Variants in HOGA1 observed in about 807,000 individuals in gnomAD.
HOGA1 encodes the protein 4-hydroxy-2-oxoglutarate aldolase 1.
In HOGA1, 30 loss-of-function variants were observed where a neutral mutation model predicts 34.3. The ratio of observed to expected loss-of-function variants is 0.87; its 90% CI spans 0.65 to 1.19. The LOEUF is 1.19. Ranked by LOEUF, HOGA1 falls within the 50% of genes most tolerant of loss-of-function variation. The pLI is 0.00. For missense variants in HOGA1, 417 were observed against 436.5 expected (o/e 0.96, Z 0.40); for synonymous variants, 161 against 174.0 (o/e 0.93, Z 0.59).
intron 5 of HOGA1, chr10:97,600,446 A>G (rs576082301): frequency 5.3e-5 from 27 of 509,938 alleles, no homozygotes; most frequent in South Asian, 5.1e-4. Flanking sequence ...TGATTAGATG[A>G]CAAACTTAGC....
chr10:97,593,571 A>G (rs2041045616), intron 1 of HOGA1, among the ~76,000 whole-genome samples: 1 of 152,238 alleles, frequency 6.6e-6, no homozygotes, highest in African/African-American at 2.4e-5. Context: ...GAGGGAGGTT[A>G]TGAATTATGT....
At chr10:97,587,866 G>A (rs2040982647) in intron 1 of HOGA1, among the ~76,000 whole-genome samples, 1 of 151,914 alleles carries the variant, frequency 6.6e-6, no homozygotes, top group African/African-American at 2.4e-5. Flanking sequence ...CTGGACTGCA[G>A]TGGCACGATC....
intron 6 of HOGA1, among the ~76,000 whole-genome samples, chr10:97,606,506 G>C (rs1169075917): frequency 6.6e-6 from 1 of 152,050 alleles, no homozygotes; most frequent in African/African-American, 2.4e-5. Context: ...TTGCTGAAAA[G>C]GCCATCTTTC....
chr10:97,610,717 T>C (rs2041188635), intron 6 of HOGA1, among the ~76,000 whole-genome samples: 1 of 152,076 alleles, frequency 6.6e-6, no homozygotes, highest in Admixed American at 6.5e-5. Context: ...GGAGAATCAC[T>C]TGAACCCAGG....
Position 97,601,912 on chromosome 10 carries a change from G to A in HOGA1, c.756G>A (p.Gln252=), listed in dbSNP as rs1253932747. Residue 252 remains glutamine (Q), a synonymous_variant, in exon 6 of 7, where the codon CAG becomes CAA. Coordinates refer to ENST00000370646, the MANE Select transcript of HOGA1 (RefSeq NM_138413.4). The part of the protein sequence containing the change: ...LANVLGAQVC[Q]LERLCCTGQW... ...ATGTCCTGGGGGCTCAGGTGTGCCA[G>A]CTGGAGCGACTGTGCTGCACGGGGC... is the stretch of plus-strand genomic sequence containing the variant. 1 of 1,612,944 alleles carries A rather than the reference G, an allele frequency of 6.2e-7. No individual in the cohort carries two copies. The highest frequency in any genetic ancestry group is 1.1e-5 in the South Asian group (1 of 90,978).
In HOGA1 at chr10:97,598,915, T is replaced by C. The variant is rs1194724686; in HGVS notation, c.340+12T>C. The C allele has an allele frequency of 6.2e-7, 1 of 1,613,642 alleles. No homozygotes were observed. The highest frequency in any genetic ancestry group is 8.5e-7 in the Non-Finnish European group (1 of 1,180,014). On this transcript the variant is annotated intron_variant, in intron 2 of 6. Transcript: ENST00000370646. Reference sequence around the variant, plus strand: ...CTCCGGATGCGAGTGTGAGCCAGAATGCCCTGGGCCCTGGGGGTGGGTGGA... The same window carrying C: ...CTCCGGATGCGAGTGTGAGCCAGAACGCCCTGGGCCCTGGGGGTGGGTGGA...
intron 1 of HOGA1, among the ~76,000 whole-genome samples, chr10:97,595,947 G>A (rs1589906215): frequency 6.6e-6 from 1 of 152,130 alleles, no homozygotes; most frequent in South Asian, 2.1e-4. Flanking sequence ...TGAAGGAGGG[G>A]CTCTTTGGGG....
intron 1 of HOGA1, among the ~76,000 whole-genome samples, chr10:97,596,711 A>G (rs1044437048): frequency 2.7e-5 from 4 of 150,708 alleles, no homozygotes; most frequent in African/African-American, 9.8e-5. Context: ...TAACTACCAA[A>G]AAAAAAAAAA....
chr10:97,589,654 A>C (rs1233437906), intron 1 of HOGA1: 8 of 465,794 alleles, frequency 1.7e-5, no homozygotes, highest in Non-Finnish European at 7.7e-6. Context: ...TGCCTTCCTC[A>C]CAATGGGGTT....
chr10:97,588,284 G>A (rs1431221172), intron 1 of HOGA1, among the ~76,000 whole-genome samples: 1 of 145,424 alleles, frequency 6.9e-6, no homozygotes, highest in Non-Finnish European at 1.5e-5. Context: ...TGCAAGCTCT[G>A]CCTTCCAGGT....
At chr10:97,597,211 T>C (rs193020616) in intron 1 of HOGA1, among the ~76,000 whole-genome samples, 6 of 152,120 alleles carry the variant, frequency 3.9e-5, no homozygotes, top group African/African-American at 1.4e-4. Flanking sequence ...GGTTTATTTA[T>C]TTTTTATTTT....
At chr10:97,601,709 A>C (rs1366701220) in intron 5 of HOGA1, 148 bp from the exon 6 acceptor site, 1 of 879,322 alleles carries the variant, frequency 1.1e-6, no homozygotes, top group East Asian at 2.5e-5. Context: ...TATACTCTGG[A>C]CTCACAGAGC....
In HOGA1 at chr10:97,603,221, C is replaced by T. The variant is rs2041133395; in HGVS notation, c.834+1231C>T. Reference sequence around the variant, plus strand: ...GTTTCACCATGTTGGCCAGGCTGGCCTCAAACTCCTAACCTCAAGTGATCC... The same window carrying T: ...GTTTCACCATGTTGGCCAGGCTGGCTTCAAACTCCTAACCTCAAGTGATCC... On this transcript the variant is annotated intron_variant, in intron 6 of 6. Coordinates refer to ENST00000370646, the MANE Select transcript of HOGA1 (RefSeq NM_138413.4). The surrounding 1 kb of genome is among the most constrained non-coding windows in gnomAD (Gnocchi z 4.5). Among the ~76,000 whole-genome samples the T allele has an allele frequency of 6.6e-6, 1 of 152,038 alleles. No individual in the cohort carries two copies. Among genetic ancestry groups the T allele is most frequent in the South Asian group, 2.1e-4 (1 of 4,820 alleles).
intron 1 of HOGA1, among the ~76,000 whole-genome samples, chr10:97,593,102 T>C (rs1564756830): frequency 7.2e-6 from 1 of 139,104 alleles, no homozygotes; most frequent in Non-Finnish European, 1.5e-5. Context: ...CAAAGAAGAG[T>C]AGTTAACAGC....
At position 97,611,551 on chromosome 10, in the gene HOGA1, G is replaced by A. The variant is rs116040217; in HGVS notation, c.876G>A (p.Met292Ile). 2.0e-5 allele frequency: 33 copies of A among 1,614,250 alleles called. No individual in the cohort carries two copies. The African/African-American group carries it at 4.4e-4, about 22-fold the overall frequency. ...GGATCCCAGGGCTGAAGAAAATCATGGACTGGTTTGGCTACTATGGAGGCC... is the reference window on the plus strand; with the variant it reads ...GGATCCCAGGGCTGAAGAAAATCATAGACTGGTTTGGCTACTATGGAGGCC... The part of the protein sequence containing the change: ...RFGIPGLKKI[M>I]DWFGYYGGPC... Residue 292 changes from methionine (M) to isoleucine (I), a missense_variant, in exon 7 of 7, where the codon ATG becomes ATA. Met to Ile is a conservative substitution (Grantham distance 10). Transcript: ENST00000370646.
rs576742710 is a variant in HOGA1 at position 97,597,264 on chromosome 10, G to A, written c.212-1511G>A. 7.9e-5 allele frequency among the ~76,000 whole-genome samples: 12 copies of A among 151,938 alleles called. No individual in the cohort carries two copies. In the East Asian group the frequency reaches 1.4e-3, roughly 17 times the overall value. ...TCACTTTGTTACCCAAGGTGGTCTCGAACTTCTGGCCTCAAGTGATCCCCC... is the reference window on the plus strand; with the variant it reads ...TCACTTTGTTACCCAAGGTGGTCTCAAACTTCTGGCCTCAAGTGATCCCCC... On this transcript the variant is annotated intron_variant, in intron 1 of 6. Coordinates refer to ENST00000370646, the MANE Select transcript of HOGA1 (RefSeq NM_138413.4).
chr10:97,598,495 T>C (rs2041088049), intron 1 of HOGA1, among the ~76,000 whole-genome samples: 1 of 152,210 alleles, frequency 6.6e-6, no homozygotes, highest in Non-Finnish European at 1.5e-5. Context: ...AGGCTTAAAA[T>C]TGTAATAACC....
intron 4 of HOGA1, 72 bp downstream of exon 4, chr10:97,599,886 G>A: frequency 1.2e-6 from 2 of 1,605,006 alleles, no homozygotes; most frequent in South Asian, 2.2e-5. Flanking sequence ...GCTCCTGAGG[G>A]CAGCTCTGAG....
At position 97,584,846 on chromosome 10, in the gene HOGA1, C is replaced by A; in HGVS notation, c.143C>A (p.Ala48Asp). 3 of 1,614,132 alleles carry A rather than the reference C, an allele frequency of 1.9e-6. No individual in the cohort carries two copies. The highest frequency in any genetic ancestry group is 2.5e-6 in the Non-Finnish European group (3 of 1,180,006). Reference protein sequence around the residue: ...IYPPVTTPFTATAEVDYGKLE... With the variant: ...IYPPVTTPFTDTAEVDYGKLE... ...CCCCCTGTGACCACCCCCTTCACTG[C>A]CACTGCAGAGGTGGACTATGGGAAA... is the stretch of plus-strand genomic sequence containing the variant. The change falls in exon 1 of 7, where the codon GCC becomes GAC. Residue 48 changes from alanine (A) to aspartate (D), a missense_variant. Coordinates refer to ENST00000370646, the MANE Select transcript of HOGA1 (RefSeq NM_138413.4).
Sources: gnomAD v4.1 joint callset for allele counts (sites outside exome capture counted in the v4.1 genomes callset) on GRCh38, gnomAD v4.1.1 for gene constraint, Gnocchi (gnomAD v3.1) non-coding constraint, MANE v1.5 for transcripts, NCBI Gene and HGNC (gene_info 2026-07-23, HGNC 2026-07-21) for gene names.